RICTOR: variants seen among roughly 807,000 people sequenced by gnomAD.
RICTOR encodes the protein rapamycin-insensitive companion of mTOR.
RICTOR carries 49 observed loss-of-function variants against 214.9 expected under a neutral mutation model. The ratio of observed to expected loss-of-function variants is 0.23; its 90% CI spans 0.18 to 0.29. The LOEUF is 0.29. RICTOR is among the 10% of genes least tolerant of loss of function. RICTOR has a pLI of 1.00. For missense variants in RICTOR, 1,625 were observed against 2,047.0 expected, an observed-to-expected ratio of 0.79 and a Z score of 3.98; for synonymous variants, 717 against 711.3, an observed-to-expected ratio of 1.01 and a Z score of -0.13.
intron 23 of RICTOR, 37 bp downstream of exon 23, chr5:38,958,630 A>C: frequency 6.5e-7 from 1 of 1,528,496 alleles, no homozygotes; most frequent in Non-Finnish European, 8.9e-7. Context: ...TATTTCAAAA[A>C]AATTTAAGTA....
At chr5:38,982,117 C>G in intron 7 of RICTOR, 81 bp from the exon 8 acceptor site, 1 of 1,023,310 alleles carries the variant, frequency 9.8e-7, no homozygotes, top group Non-Finnish European at 1.5e-6. Context: ...AACTTAATTG[C>G]CTTTCTGACT....
At chr5:39,070,866 C>A (rs1237508429) in intron 2 of RICTOR, among the ~76,000 whole-genome samples, 3 of 152,162 alleles carry the variant, frequency 2.0e-5, no homozygotes, top group Non-Finnish European at 4.4e-5. Context: ...TTTTGGCATG[C>A]ATTACAGACA....
rs1747423618 is a variant in RICTOR at position 38,940,339 on chromosome 5, T to A, written c.*1965A>T. 8.6e-6 allele frequency: 2 copies of A among 231,364 alleles called. No homozygotes were observed. The highest frequency in any genetic ancestry group is 1.8e-4 in the South Asian group (1 of 5,502). The allele number at this position is 231,364 out of a possible 1,614,324, so 14.3% of individuals were successfully genotyped here. Reference sequence around the variant, plus strand: ...ACTCTATATTAACTGAGGTAGTGTTTAAAATGAATGTCTAAAATATGTTAA... The same window carrying A: ...ACTCTATATTAACTGAGGTAGTGTTAAAAATGAATGTCTAAAATATGTTAA... On this transcript the variant is annotated 3_prime_UTR_variant, in exon 38 of 38. Coordinates refer to ENST00000357387, the MANE Select transcript of RICTOR (RefSeq NM_152756.5).
chr5:39,028,451 G>A (rs939388473), intron 2 of RICTOR, among the ~76,000 whole-genome samples: 1 of 151,964 alleles, frequency 6.6e-6, no homozygotes, highest in Non-Finnish European at 1.5e-5. Flanking sequence ...CAAAGTGCTG[G>A]GATTACAGGC....
chr5:39,027,981 A>T (rs976509081), intron 2 of RICTOR, among the ~76,000 whole-genome samples: 1 of 142,334 alleles, frequency 7.0e-6, no homozygotes, highest in Admixed American at 6.9e-5. Flanking sequence ...AAAAACAGGT[A>T]AAAGATTTAA....
intron 2 of RICTOR, among the ~76,000 whole-genome samples, chr5:39,058,579 A>G (rs763610559): frequency 2.6e-5 from 4 of 152,106 alleles, no homozygotes; most frequent in Non-Finnish European, 5.9e-5. Flanking sequence ...AGATATTTAT[A>G]TATGTATGCT....
At chr5:39,073,645 C>A (rs183299268) in intron 2 of RICTOR, among the ~76,000 whole-genome samples, 1 of 152,170 alleles carries the variant, frequency 6.6e-6, no homozygotes, top group African/African-American at 2.4e-5. Context: ...GTCACGCAGT[C>A]GGCAAGCACC....
chr5:39,043,730 C>A (rs1757315549), intron 2 of RICTOR, among the ~76,000 whole-genome samples: 1 of 152,114 alleles, frequency 6.6e-6, no homozygotes, highest in Non-Finnish European at 1.5e-5. Flanking sequence ...GAGGTGGGGT[C>A]TTGAAGAGGT....
chr5:38,994,585 T>C lies in RICTOR; in HGVS notation c.456+2234A>G, dbSNP rs1414632252. Among the ~76,000 whole-genome samples, 5 of 152,166 alleles carry C rather than the reference T, an allele frequency of 3.3e-5. No homozygotes were observed. In the East Asian group the frequency reaches 9.6e-4, roughly 29 times the overall value. ...AAGGAAAAGCCCTGTGCCACAATTC[T>C]ACCGCTGATTCTATATCCCACCACC... On this transcript the variant is annotated intron_variant, in intron 6 of 37. Transcript: ENST00000357387.
intron 7 of RICTOR, among the ~76,000 whole-genome samples, chr5:38,985,134 AT>A (rs1255015281): frequency 6.6e-6 from 1 of 152,106 alleles, no homozygotes; most frequent in African/African-American, 2.4e-5. Flanking sequence ...TTAGCCATGC[AT>A]TTCTTTGAGA....
At chr5:38,998,160 T>C (rs1753316665) in intron 5 of RICTOR, among the ~76,000 whole-genome samples, 1 of 152,198 alleles carries the variant, frequency 6.6e-6, no homozygotes, top group African/African-American at 2.4e-5. Flanking sequence ...AAACCAAACT[T>C]TAACAGAATC....
intron 34 of RICTOR, 64 bp from the exon 35 acceptor site, chr5:38,945,132 G>T: frequency 9.0e-7 from 1 of 1,116,340 alleles, no homozygotes; most frequent in East Asian, 2.5e-5. Context: ...TGCTTACATT[G>T]CATGCTAAAA....
At chr5:39,070,874 A>C (rs527402334) in intron 2 of RICTOR, among the ~76,000 whole-genome samples, 2 of 152,332 alleles carry the variant, frequency 1.3e-5, no homozygotes, top group South Asian at 4.1e-4. Context: ...TGCATTACAG[A>C]CAGTATTTAA....
At chr5:38,980,407 C>A (rs766432080) in intron 8 of RICTOR, among the ~76,000 whole-genome samples, 1 of 152,172 alleles carries the variant, frequency 6.6e-6, no homozygotes, top group Non-Finnish European at 1.5e-5. Flanking sequence ...GGGGACTGAT[C>A]ACCTTATTCT....
rs774516299 is a variant in RICTOR at position 38,960,430 on chromosome 5, G to C, written c.1819C>G (p.Gln607Glu). ...GATTCAAGAAGAAATTCTGTAAACTGGCAACCTACAACCGTGAGCTGTTTG... is the reference window on the plus strand; with the variant it reads ...GATTCAAGAAGAAATTCTGTAAACTCGCAACCTACAACCGTGAGCTGTTTG... ...KAKQLTVVGC[Q>E]FTEFLLESEE... is the part of the protein sequence containing the mutation. Residue 607 changes from glutamine to glutamate, a missense_variant, in exon 20 of 38, where the codon CAG (glutamine) becomes GAG (glutamate). By Grantham distance (29) the Gln-to-Glu change is conservative. Transcript: ENST00000357387. The C allele has an allele frequency of 8.7e-6, 14 of 1,613,666 alleles. No homozygotes were observed. In the South Asian group the frequency reaches 1.4e-4, roughly 16 times the overall value.
rs747033304 is a variant in RICTOR at position 38,945,638 on chromosome 5, T to C, written c.4486A>G (p.Ile1496Val). 17 of 1,613,798 alleles carry C rather than the reference T, an allele frequency of 1.1e-5. No individual in the cohort carries two copies. The highest frequency in any genetic ancestry group is 2.2e-5 in the South Asian group (2 of 91,084). The stretch of plus-strand genomic sequence containing the variant: ...AAAAACAGAGAGGCATCTGAATGGA[T>C]TGAATTCATTATTTCCGTAAGACTC... ...QMSLTEIMNS[I>V]HSDASLFLES... Residue 1496 changes from isoleucine to valine, a missense_variant, in exon 34 of 38, where the codon ATC (isoleucine) becomes GTC (valine). Coordinates refer to ENST00000357387, the MANE Select transcript of RICTOR (RefSeq NM_152756.5).
intron 34 of RICTOR, 110 bp from the exon 35 acceptor site, chr5:38,945,178 T>G: frequency 1.2e-6 from 1 of 813,998 alleles, no homozygotes; most frequent in Non-Finnish European, 1.9e-6. Context: ...TCTAATTGTA[T>G]GCAATATACC....
Position 38,967,322 on chromosome 5 carries a change from T to C in RICTOR, c.1151+15A>G. ...AATTCTAATAAATTGAAACCCTTTTTATTTTAAATTCTACCTGGATCTGGC... is the reference window on the plus strand; with the variant it reads ...AATTCTAATAAATTGAAACCCTTTTCATTTTAAATTCTACCTGGATCTGGC... On this transcript the variant is annotated intron_variant, in intron 13 of 37. Coordinates refer to ENST00000357387, the MANE Select transcript of RICTOR (RefSeq NM_152756.5). 6.2e-7 allele frequency: 1 copy of C among 1,607,956 alleles called. No homozygotes were observed. Among genetic ancestry groups the C allele is most frequent in the Non-Finnish European group, 8.5e-7 (1 of 1,175,614 alleles).
chr5:38,956,731 T>A (rs1384746253), intron 25 of RICTOR, among the ~76,000 whole-genome samples: 1 of 152,136 alleles, frequency 6.6e-6, no homozygotes, highest in African/African-American at 2.4e-5. Flanking sequence ...GCACCAATAT[T>A]CTAAGCAATT....
Sources: gnomAD v4.1 joint callset for allele counts (sites outside exome capture counted in the v4.1 genomes callset) on GRCh38, gnomAD v4.1.1 for gene constraint, MANE v1.5 for transcripts, NCBI Gene and HGNC (gene_info 2026-07-23, HGNC 2026-07-21) for gene names.